Variants in ADGRL3 observed in about 807,000 individuals in gnomAD.
ADGRL3 encodes calcium-independent alpha-latrotoxin receptor 3.
ADGRL3 carries 62 observed loss-of-function variants against 153.5 expected under a neutral mutation model. The ratio of observed to expected loss-of-function variants is 0.40; its 90% CI spans 0.33 to 0.50. The LOEUF (loss-of-function observed/expected upper bound fraction) is 0.50, where lower values mean the gene tolerates loss of function less well. Among genes scored for constraint, ADGRL3 ranks in the 20% least tolerant of loss-of-function variants. ADGRL3 has a pLI of 0.47. For synonymous variants in ADGRL3, 710 were observed against 672.5 expected (o/e 1.06, Z -0.86); for missense variants, 1,641 against 1,859.4 (o/e 0.88, Z 2.16).
intron 5 of ADGRL3, among the ~76,000 whole-genome samples, chr4:61,651,773 A>AT (rs377167454): frequency 0.18 from 22,183 of 126,688 alleles, 2,026 homozygotes; most frequent in Non-Finnish European, 0.22. Flanking sequence ...AGGCCCAGCT[A>AT]TTTTTTTTTT....
chr4:61,286,753 T>C (rs940956275), intron 1 of ADGRL3, among the ~76,000 whole-genome samples: 21 of 151,830 alleles, frequency 1.4e-4, no homozygotes, highest in African/African-American at 5.1e-4. Flanking sequence ...AACAGTATTT[T>C]TTTTAGAGGC....
intron 19 of ADGRL3, among the ~76,000 whole-genome samples, chr4:61,995,911 C>A (rs948484992): frequency 1.5e-4 from 23 of 152,230 alleles, no homozygotes; most frequent in Non-Finnish European, 3.4e-4. Context: ...TGCCTGACAG[C>A]TGATAGACAG....
rs1258686004 is a variant in ADGRL3 at position 61,772,873 on chromosome 4, C to A, written c.1399+39319C>A. On this transcript the variant is annotated intron_variant, in intron 8 of 26. Coordinates refer to ENST00000683033, the MANE Select transcript of ADGRL3 (RefSeq NM_001387552.1). The stretch of plus-strand genomic sequence containing the variant: ...GGGTAGTGTGTTCTCAACCTCCTCA[C>A]CTACTAAAACCCATGTTTTCCTACC... 2.0e-5 allele frequency among the ~76,000 whole-genome samples: 3 copies of A among 152,124 alleles called. No homozygotes were observed. In the East Asian group the frequency reaches 5.8e-4, roughly 29 times the overall value.
At position 61,510,500 on chromosome 4, in the gene ADGRL3, G is replaced by A. The variant is rs117368832; in HGVS notation, c.56-6815G>A. ...ATGGCCAGCCAGTTATCCTAACACC[G>A]TTTATTAAATAGGGAGTCATTTCCC... On this transcript the variant is annotated intron_variant, in intron 3 of 26. Coordinates refer to ENST00000683033, the MANE Select transcript of ADGRL3 (RefSeq NM_001387552.1). 3.9e-3 allele frequency among the ~76,000 whole-genome samples: 595 copies of A among 152,192 alleles called. 19 individuals are homozygous for A. The highest frequency in any genetic ancestry group is 0.027 in the East Asian group (139 of 5,176).
At chr4:61,223,280 G>T (rs564399645) in intron 1 of ADGRL3, among the ~76,000 whole-genome samples, 2 of 152,150 alleles carry the variant, frequency 1.3e-5, no homozygotes, top group Non-Finnish European at 2.9e-5. Flanking sequence ...GAAATGATAC[G>T]TATAGTTTTA....
chr4:62,040,112 C>G (rs537367045), intron 24 of ADGRL3, among the ~76,000 whole-genome samples: 16 of 152,054 alleles, frequency 1.1e-4, no homozygotes, highest in Non-Finnish European at 2.4e-4. Flanking sequence ...CATTGACACT[C>G]AGTTTTTCCA....
Position 61,745,366 on chromosome 4 carries a change from A to G in ADGRL3, c.1399+11812A>G, listed in dbSNP as rs548850686. ...CTCAGGAAATACAGAGAATGCCACA[A>G]AGATACTCCTCGAGAAGAGCAACTC... is the stretch of plus-strand genomic sequence containing the variant. On this transcript the variant is annotated intron_variant, in intron 8 of 26. Coordinates refer to ENST00000683033, the MANE Select transcript of ADGRL3 (RefSeq NM_001387552.1). Among the ~76,000 whole-genome samples, 5 of 152,282 alleles carry G rather than the reference A, an allele frequency of 3.3e-5. No individual in the cohort carries two copies. In the South Asian group the frequency reaches 1.0e-3, roughly 32 times the overall value.
At chr4:61,862,357 G>T (rs533608449) in intron 9 of ADGRL3, among the ~76,000 whole-genome samples, 1 of 152,290 alleles carries the variant, frequency 6.6e-6, no homozygotes, top group African/African-American at 2.4e-5. Context: ...ACTATGACCA[G>T]CCAGAGTCTA....
At chr4:61,755,146 G>T (rs1225880980) in intron 8 of ADGRL3, among the ~76,000 whole-genome samples, 1 of 152,102 alleles carries the variant, frequency 6.6e-6, no homozygotes, top group Admixed American at 6.6e-5. Flanking sequence ...TAATGGGATG[G>T]CTGGGTCAAA....
chr4:61,287,417 A>G (rs2093979292), intron 1 of ADGRL3, among the ~76,000 whole-genome samples: 1 of 151,944 alleles, frequency 6.6e-6, no homozygotes, highest in Non-Finnish European at 1.5e-5. Flanking sequence ...TAACTTTAAT[A>G]TGCTCTTAAA....
At chr4:61,589,081 T>C (rs1344975298) in intron 5 of ADGRL3, among the ~76,000 whole-genome samples, 1 of 152,092 alleles carries the variant, frequency 6.6e-6, no homozygotes, top group African/African-American at 2.4e-5. Context: ...AAAGTAGTTA[T>C]AATGGATCCT....
intron 9 of ADGRL3, among the ~76,000 whole-genome samples, chr4:61,871,288 A>T (rs575167727): frequency 6.6e-6 from 1 of 152,166 alleles, no homozygotes; most frequent in South Asian, 2.1e-4. Context: ...AGAAAAAAAA[A>T]AAAAAGTGTA....
intron 1 of ADGRL3, among the ~76,000 whole-genome samples, chr4:61,313,194 C>A (rs1055114241): frequency 1.3e-5 from 2 of 152,230 alleles, no homozygotes; most frequent in East Asian, 1.9e-4. Flanking sequence ...TTGGGAAAGG[C>A]AAGCTATACA....
chr4:61,416,773 A>G (rs1015377929), intron 2 of ADGRL3, among the ~76,000 whole-genome samples: 2 of 152,052 alleles, frequency 1.3e-5, no homozygotes, highest in African/African-American at 4.8e-5. Flanking sequence ...CTGGGGTGGG[A>G]TGAGGTGGTG....
intron 17 of ADGRL3, among the ~76,000 whole-genome samples, chr4:61,978,729 G>C (rs2099056827): frequency 6.6e-6 from 1 of 152,078 alleles, no homozygotes; most frequent in Non-Finnish European, 1.5e-5. Flanking sequence ...GGAGCTTCCT[G>C]GACTATTTTA....
chr4:61,855,551 TTTTTTCACTTTTTAA>T (rs2098253594), intron 9 of ADGRL3, among the ~76,000 whole-genome samples: 1 of 152,172 alleles, frequency 6.6e-6, no homozygotes, highest in East Asian at 1.9e-4. Context: ...ATAAACATTA[TTTTTTCACTTTTTAA>T]AAATTAACTG....
chr4:61,928,060 A>G (rs1483619265), intron 13 of ADGRL3, among the ~76,000 whole-genome samples: 1 of 151,076 alleles, frequency 6.6e-6, no homozygotes. Context: ...AATAATATAA[A>G]ATAGCATTAT....
At chr4:61,283,245 A>G (rs1166775479) in intron 1 of ADGRL3, among the ~76,000 whole-genome samples, 1 of 152,026 alleles carries the variant, frequency 6.6e-6, no homozygotes, top group Non-Finnish European at 1.5e-5. Context: ...CTTTGTGTTC[A>G]TATTTTCTCT....
chr4:61,714,271 G>A (rs1237683170), intron 6 of ADGRL3, among the ~76,000 whole-genome samples: 1 of 138,664 alleles, frequency 7.2e-6, no homozygotes, highest in Non-Finnish European at 1.5e-5. Context: ...AAATTGAAGT[G>A]ACAGCTAAAT....
Sources: gnomAD v4.1 joint callset for allele counts (sites outside exome capture counted in the v4.1 genomes callset) on GRCh38, gnomAD v4.1.1 for gene constraint, MANE v1.5 for transcripts, NCBI Gene and HGNC (gene_info 2026-07-23, HGNC 2026-07-21) for gene names.